The following VPS13A variants were observed in gnomAD, a reference collection of about 807,000 sequenced individuals.
VPS13A encodes the protein vacuolar protein sorting 13 homolog A, also known as intermembrane lipid transfer protein VPS13A.
In VPS13A, 264 loss-of-function variants were observed where a neutral mutation model predicts 390.9. The ratio of observed to expected loss-of-function variants is 0.68; its 90% CI spans 0.61 to 0.75. The LOEUF (loss-of-function observed/expected upper bound fraction) is 0.75, where lower values mean the gene tolerates loss of function less well. Ranked by LOEUF, VPS13A falls within the 30% of genes least tolerant of loss-of-function variation. VPS13A has a pLI of 0.00. For synonymous variants in VPS13A, 1,231 were observed against 1,227.1 expected, an observed-to-expected ratio of 1.00 and a Z score of -0.07; for missense variants, 3,409 against 3,733.9, an observed-to-expected ratio of 0.91 and a Z score of 2.27.
chr9:77,340,130 T>G, intron 48 of VPS13A, 48 bp from the exon 49 acceptor site: 1 of 1,556,488 alleles, frequency 6.4e-7, no homozygotes, highest in Non-Finnish European at 8.8e-7. Flanking sequence ...AAGCAGGAAT[T>G]TTTAAAGGTA....
At chr9:77,340,138 G>T (rs1313944074) in intron 48 of VPS13A, 40 bp from the exon 49 acceptor site, 4 of 1,566,872 alleles carry the variant, frequency 2.6e-6, no homozygotes, top group African/African-American at 2.7e-5. Context: ...ATTTTTAAAG[G>T]TACCTAAATT....
intron 3 of VPS13A, among the ~76,000 whole-genome samples, chr9:77,203,767 A>G (rs1432008342): frequency 5.9e-5 from 9 of 152,178 alleles, no homozygotes; most frequent in Non-Finnish European, 1.0e-4. Flanking sequence ...AACCGTGTCA[A>G]ATTTGTTACA....
At chr9:77,222,763 T>A (rs1007439749) in intron 13 of VPS13A, among the ~76,000 whole-genome samples, 18 of 152,188 alleles carry the variant, frequency 1.2e-4, no homozygotes, top group African/African-American at 4.1e-4. Context: ...ACAAACTGCA[T>A]CCATATAAGA....
At chr9:77,205,186 A>G (rs1191709124) in intron 3 of VPS13A, 127 bp from the exon 4 acceptor site, 8 of 416,226 alleles carry the variant, frequency 1.9e-5, no homozygotes, top group Non-Finnish European at 3.5e-5. Flanking sequence ...CAATAAAGTG[A>G]TTAAACGCTT....
chr9:77,309,076 A>G (rs770629983), intron 35 of VPS13A, among the ~76,000 whole-genome samples: 8 of 152,214 alleles, frequency 5.3e-5, no homozygotes, highest in Non-Finnish European at 1.2e-4. Context: ...AAGGAAGTAG[A>G]CAAACAAAAA....
intron 59 of VPS13A, among the ~76,000 whole-genome samples, chr9:77,362,869 T>C (rs1451600176): frequency 6.6e-6 from 1 of 152,204 alleles, no homozygotes. Context: ...ATTCTTCTTA[T>C]AGTATTATGA....
chr9:77,407,623 C>G lies in VPS13A; in HGVS notation c.9474+16C>G. The G allele has an allele frequency of 6.3e-7, 1 of 1,576,048 alleles. No individual in the cohort carries two copies. Among genetic ancestry groups the G allele is most frequent in the Non-Finnish European group, 8.7e-7 (1 of 1,146,798 alleles). On this transcript the variant is annotated intron_variant, in intron 71 of 71. Coordinates refer to ENST00000360280, the MANE Select transcript of VPS13A (RefSeq NM_033305.3). ...GGATGCCAGGGTAAATATAATAAATCTTTTATTTAAATAGGAGCTGCTCAC... is the reference window on the plus strand; with the variant it reads ...GGATGCCAGGGTAAATATAATAAATGTTTTATTTAAATAGGAGCTGCTCAC...
At chr9:77,354,316 C>T (rs974229941) in intron 54 of VPS13A, among the ~76,000 whole-genome samples, 13 of 151,880 alleles carry the variant, frequency 8.6e-5, no homozygotes, top group Non-Finnish European at 2.9e-5. Context: ...ATACGTGTCC[C>T]TGACCTCTTA....
At position 77,317,687 on chromosome 9, in the gene VPS13A, C is replaced by T; in HGVS notation, c.4945C>T (p.Leu1649=). The T allele has an allele frequency of 6.3e-7, 1 of 1,593,590 alleles. No individual in the cohort carries two copies. The highest frequency in any genetic ancestry group is 8.6e-7 in the Non-Finnish European group (1 of 1,168,688). ...AGTGATCGATATGTCAGTAAAATCC[C>T]TGACACTAAAGGTAAATTAAAATAT... is the stretch of plus-strand genomic sequence containing the variant. ...PQVIDMSVKS[L]TLKVSPVIIN... Residue 1649 remains leucine (L), a synonymous_variant, in exon 40 of 72, where the codon CTG becomes TTG. Coordinates refer to ENST00000360280, the MANE Select transcript of VPS13A (RefSeq NM_033305.3).
intron 68 of VPS13A, among the ~76,000 whole-genome samples, chr9:77,398,251 A>C (rs932874310): frequency 6.6e-6 from 1 of 152,190 alleles, no homozygotes; most frequent in African/African-American, 2.4e-5. Context: ...CCATGAGGAA[A>C]GTATGACTGA....
chr9:77,306,719 T>A (rs1828773638), intron 34 of VPS13A, among the ~76,000 whole-genome samples: 1 of 151,924 alleles, frequency 6.6e-6, no homozygotes. Context: ...TTACCTAGAG[T>A]CTAGAGATTT....
chr9:77,223,366 T>C (rs1306233284), intron 13 of VPS13A, among the ~76,000 whole-genome samples: 1 of 152,068 alleles, frequency 6.6e-6, no homozygotes, highest in African/African-American at 2.4e-5. Context: ...AATTGAAAGT[T>C]GGAAATAATT....
chr9:77,399,181 TAAA>T (rs1223344360), intron 68 of VPS13A, among the ~76,000 whole-genome samples: 18 of 34,956 alleles, frequency 5.1e-4, no homozygotes, highest in African/African-American at 1.7e-3. Context: ...AAAAAAAAAA[TAAA>T]AAAAAAAAAA....
rs139598724 is a variant in VPS13A at position 77,395,949 on chromosome 9, A to G, written c.9190-7287A>G. ...CAGTTGAAACAGTAAAACCTCAGTG[A>G]TTTGAACTGCTCTGAATTATACAGT... is the stretch of plus-strand genomic sequence containing the variant. On this transcript the variant is annotated intron_variant, in intron 68 of 71. Transcript: ENST00000360280. 1.1e-4 allele frequency: 17 copies of G among 152,276 alleles called. No homozygotes were observed. In the East Asian group the frequency reaches 3.3e-3, roughly 29 times the overall value. 9.4% of individuals were successfully genotyped at this position (152,276 alleles called of 1,614,324 possible).
intron 22 of VPS13A, among the ~76,000 whole-genome samples, chr9:77,256,614 G>C (rs1825459768): frequency 6.6e-6 from 1 of 152,048 alleles, no homozygotes; most frequent in Non-Finnish European, 1.5e-5. Flanking sequence ...TCAAGGAACT[G>C]TCTGTTTCTT....
At chr9:77,384,464 G>GA (rs1587701966) in intron 68 of VPS13A, 10 of 1,425,126 alleles carry the variant, frequency 7.0e-6, no homozygotes, top group East Asian at 2.3e-5. Flanking sequence ...AGTCATAGCT[G>GA]AAAAAATCTG....
chr9:77,387,561 T>C (rs1418395698), intron 68 of VPS13A, among the ~76,000 whole-genome samples: 1 of 152,172 alleles, frequency 6.6e-6, no homozygotes, highest in Non-Finnish European at 1.5e-5. Context: ...AAGAAAAATT[T>C]GTAAAAATCT....
intron 25 of VPS13A, 130 bp from the exon 26 acceptor site, chr9:77,275,935 A>C: frequency 9.8e-7 from 1 of 1,024,660 alleles, no homozygotes; most frequent in East Asian, 2.6e-5. Context: ...GTGGGTATAA[A>C]ATCTCTCCTA....
rs373489628 is a variant in VPS13A at position 77,254,538 on chromosome 9, TCTTAG to T, written c.2288+2188_2288+2192del. 1.3e-4 allele frequency among the ~76,000 whole-genome samples: 20 copies of T among 152,358 alleles called. No individual in the cohort carries two copies. The East Asian group carries it at 3.9e-3, about 29-fold the overall frequency. On this transcript the variant is annotated intron_variant, in intron 22 of 71. Transcript: ENST00000360280. Reference sequence around the variant, plus strand: ...GGGATCCTTTGGTATTCCATATGAATCTTAGCATGTTTTCTTTTCTTGTAAAAAAT... The same window carrying T: ...GGGATCCTTTGGTATTCCATATGAATCATGTTTTCTTTTCTTGTAAAAAAT...
Sources: gnomAD v4.1 joint callset for allele counts (sites outside exome capture counted in the v4.1 genomes callset) on GRCh38, gnomAD v4.1.1 for gene constraint, MANE v1.5 for transcripts, NCBI Gene and HGNC (gene_info 2026-07-23, HGNC 2026-07-21) for gene names.